The following GTPBP2 variants were observed in gnomAD, a reference collection of about 807,000 sequenced individuals.
GTPBP2 encodes the protein GTP-binding protein 2.
Under a neutral mutation model 63.0 loss-of-function variants are expected in GTPBP2, and 32 were observed. That is an observed-to-expected ratio of 0.51 (90% confidence interval 0.38 to 0.68). The LOEUF (loss-of-function observed/expected upper bound fraction) is 0.68. Among genes scored for constraint, GTPBP2 ranks in the 30% least tolerant of loss-of-function variants. GTPBP2 has a pLI of 0.00. For missense variants in GTPBP2, 492 were observed against 796.9 expected, an observed-to-expected ratio of 0.62 and a Z score of 4.61; for synonymous variants, 310 against 322.6, an observed-to-expected ratio of 0.96 and a Z score of 0.42.
intron 9 of GTPBP2, chr6:43,623,470 C>T (rs775883598): frequency 1.9e-6 from 1 of 521,764 alleles, no homozygotes; most frequent in East Asian, 3.2e-5. Context: ...CAGTTGAATA[C>T]ACTCTAGTTT....
At position 43,624,192 on chromosome 6, in the gene GTPBP2, G is replaced by A. The variant is rs979678320; in HGVS notation, c.1101-124C>T. 1.2e-5 allele frequency: 10 copies of A among 805,602 alleles called. No homozygotes were observed. Among genetic ancestry groups the A allele is most frequent in the Non-Finnish European group, 1.9e-5 (10 of 515,566 alleles). The allele number at this position is 805,602 out of a possible 1,614,324, so 49.9% of individuals were successfully genotyped here. On this transcript the variant is annotated intron_variant, in intron 7 of 11. Transcript: ENST00000307126. This position sits in a 1 kb window ranked among gnomAD's most constrained non-coding sequence, Gnocchi z 5.1. ...GGGCCCCTCTCTCCTGTCTGCAAAT[G>A]GCTCAGGAACTCTGGGCCTTCTTGT...
Position 43,625,906 on chromosome 6 carries a change from TCTCCTATTCCAGG to T in GTPBP2, c.399-55_399-43del, listed in dbSNP as rs760825009. 67 of 1,491,694 alleles carry T rather than the reference TCTCCTATTCCAGG, an allele frequency of 4.5e-5. No individual in the cohort carries two copies. The highest frequency in any genetic ancestry group is 8.4e-5 in the Admixed American group (5 of 59,868). The allele number at this position is 1,491,694 out of a possible 1,614,324, so 92.4% of individuals were successfully genotyped here. ...ACAGCTGCCATATCTCACCTGTCCT[TCTCCTATTCCAGG>T]CTCGCTCTGGACCTACAGACTTCCT... On this transcript the variant is annotated intron_variant, in intron 3 of 11. Transcript: ENST00000307126. This position sits in a 1 kb window ranked among gnomAD's most constrained non-coding sequence, Gnocchi z 5.1.
At position 43,621,296 on chromosome 6, in the gene GTPBP2, G is replaced by T. The variant is rs1270008817; in HGVS notation, c.*318C>A. 8 of 690,272 alleles carry T rather than the reference G, an allele frequency of 1.2e-5. No homozygotes were observed. Among genetic ancestry groups the T allele is most frequent in the Non-Finnish European group, 1.9e-5 (8 of 421,232 alleles). The allele number at this position is 690,272 out of a possible 1,614,324, so 42.8% of individuals were successfully genotyped here. A position where few individuals can be genotyped will look rare whatever the true frequency, so the allele number is the denominator to read the frequency against. On this transcript the variant is annotated 3_prime_UTR_variant, in exon 12 of 12. Transcript: ENST00000307126. Reference sequence around the variant, plus strand: ...CAGCAAAACATGCCCAGTCTTAGTAGTGGGGACGAAGAATTGATGAGTGGA... The same window carrying T: ...CAGCAAAACATGCCCAGTCTTAGTATTGGGGACGAAGAATTGATGAGTGGA...
At position 43,625,280 on chromosome 6, in the gene GTPBP2, ACT is replaced by A; in HGVS notation, c.705+81_705+82del. 1.5e-6 allele frequency: 2 copies of A among 1,338,580 alleles called. No homozygotes were observed. The highest frequency in any genetic ancestry group is 1.1e-6 in the Non-Finnish European group (1 of 934,578). The allele number at this position is 1,338,580 out of a possible 1,614,324, so 82.9% of individuals were successfully genotyped here. On this transcript the variant is annotated intron_variant, in intron 5 of 11. Transcript: ENST00000307126. The surrounding 1 kb of genome is among the most constrained non-coding windows in gnomAD (Gnocchi z 5.1). ...CTATACTATTTCAAAAAGTCTCCAC[ACT>A]CTACCCCCATCCTATGTCCTTCACT...
Position 43,624,870 on chromosome 6 carries a change from T to G in GTPBP2, c.880+18A>C. On this transcript the variant is annotated intron_variant, in intron 6 of 11. Transcript: ENST00000307126. The surrounding 1 kb of genome is among the most constrained non-coding windows in gnomAD (Gnocchi z 5.1). ...CAGCACCCCCCTTCAGCCCTGTCCCTGCCCTAATGCCTCGTACCAATCCCA... is the reference window on the plus strand; with the variant it reads ...CAGCACCCCCCTTCAGCCCTGTCCCGGCCCTAATGCCTCGTACCAATCCCA... 3 of 1,613,092 alleles carry G rather than the reference T, an allele frequency of 1.9e-6. No individual in the cohort carries two copies.
chr6:43,631,202 T>C (rs1423393903), upstream of GTPBP2, among the ~76,000 whole-genome samples: 1 of 152,214 alleles, frequency 6.6e-6, no homozygotes, highest in Non-Finnish European at 1.5e-5. Flanking sequence ...TCTTCAGTGG[T>C]TGAAAGCACA....
Position 43,629,230 on chromosome 6 carries a change from C to G in GTPBP2, c.-68G>C. On this transcript the variant is annotated 5_prime_UTR_variant, in exon 1 of 12. Coordinates refer to ENST00000307126, the MANE Select transcript of GTPBP2 (RefSeq NM_019096.5). ...GCCGCCGCCGTCGCCGCCGCCCTTA[C>G]TGCCACTGCCGTGTCCGGCCGGCCT... 9.1e-7 allele frequency: 1 copy of G among 1,102,916 alleles called. No individual in the cohort carries two copies. The highest frequency in any genetic ancestry group is 1.2e-6 in the Non-Finnish European group (1 of 853,566). The allele number at this position is 1,102,916 out of a possible 1,614,324, so 68.3% of individuals were successfully genotyped here.
upstream of GTPBP2, chr6:43,629,300 C>A: frequency 1.5e-6 from 1 of 645,716 alleles, no homozygotes. Flanking sequence ...CCCCCCACCT[C>A]CCTGGCCTCC....
Position 43,624,186 on chromosome 6 carries a change from G to T in GTPBP2, c.1101-118C>A. The T allele has an allele frequency of 1.2e-6, 1 of 846,146 alleles. No individual in the cohort carries two copies. The highest frequency in any genetic ancestry group is 1.8e-6 in the Non-Finnish European group (1 of 551,146). 52.4% of individuals were successfully genotyped at this position (846,146 alleles called of 1,614,324 possible). A position where few individuals can be genotyped will look rare whatever the true frequency, so the allele number is the denominator to read the frequency against. The stretch of plus-strand genomic sequence containing the variant: ...GGCTGGGGGCCCCTCTCTCCTGTCT[G>T]CAAATGGCTCAGGAACTCTGGGCCT... On this transcript the variant is annotated intron_variant, in intron 7 of 11. Coordinates refer to ENST00000307126, the MANE Select transcript of GTPBP2 (RefSeq NM_019096.5). The surrounding 1 kb of genome is among the most constrained non-coding windows in gnomAD (Gnocchi z 5.1).
Position 43,626,828 on chromosome 6 carries a change from C to CAAA in GTPBP2, c.213+91_213+93dup. On this transcript the variant is annotated intron_variant, in intron 2 of 11. Transcript: ENST00000307126. This position sits in a 1 kb window ranked among gnomAD's most constrained non-coding sequence, Gnocchi z 4.0. ...AGGCAACAAGAGCAAAACTTCATCTCAAAAAAAAAAAAGAAAGAAAGAAAA... is the reference window on the plus strand; with the variant it reads ...AGGCAACAAGAGCAAAACTTCATCTCAAAAAAAAAAAAAAAGAAAGAAAGAAAA... 1.2e-5 allele frequency: 10 copies of CAAA among 828,316 alleles called. No homozygotes were observed. Among genetic ancestry groups the CAAA allele is most frequent in the South Asian group, 1.9e-5 (1 of 51,404 alleles). 51.3% of individuals were successfully genotyped at this position (828,316 alleles called of 1,614,324 possible).
chr6:43,623,714 G>A lies in GTPBP2; in HGVS notation c.1295+23C>T, dbSNP rs2232216. On this transcript the variant is annotated intron_variant, in intron 9 of 11. Transcript: ENST00000307126. The stretch of plus-strand genomic sequence containing the variant: ...TATATAGGTGAGGGCTGAGTGGGGA[G>A]GGTAGCAAGCAAGACAATTTACCTG... The A allele has an allele frequency of 6.7e-3, 10,529 of 1,576,924 alleles. 623 individuals carry two copies. The African/African-American group carries it at 0.12, about 19-fold the overall frequency.
chr6:43,624,455 G>A lies in GTPBP2; in HGVS notation c.1100+55C>T. 7.7e-7 allele frequency: 1 copy of A among 1,300,570 alleles called. No homozygotes were observed. The highest frequency in any genetic ancestry group is 1.1e-6 in the Non-Finnish European group (1 of 905,018). 80.6% of individuals were successfully genotyped at this position (1,300,570 alleles called of 1,614,324 possible). A position where few individuals can be genotyped will look rare whatever the true frequency, so the allele number is the denominator to read the frequency against. The stretch of plus-strand genomic sequence containing the variant: ...GTAGGATATCATGCTTCTGGGCCCT[G>A]GGCTCTGTGGCAGCCTTCCTAGTGG... On this transcript the variant is annotated intron_variant, in intron 7 of 11. Transcript: ENST00000307126. This position sits in a 1 kb window ranked among gnomAD's most constrained non-coding sequence, Gnocchi z 5.1.
At chr6:43,629,520 T>A, upstream of GTPBP2, 1 of 618,200 alleles carries the variant, frequency 1.6e-6, no homozygotes, top group Non-Finnish European at 2.9e-6. Flanking sequence ...CCTCGCGCTA[T>A]GTTCTTTTTC....
At position 43,629,247 on chromosome 6, in the gene GTPBP2, G is replaced by C. The variant is rs1167657211; in HGVS notation, c.-85C>G. ...CGCCCTTACTGCCACTGCCGTGTCC[G>C]GCCGGCCTGAGCAGAGTGGGGTGGG... On this transcript the variant is annotated 5_prime_UTR_variant, in exon 1 of 12. Transcript: ENST00000307126. The C allele has an allele frequency of 1.1e-5, 11 of 1,019,516 alleles. No homozygotes were observed. Among genetic ancestry groups the C allele is most frequent in the South Asian group, 2.5e-5 (1 of 40,206 alleles). The allele number at this position is 1,019,516 out of a possible 1,614,324, so 63.2% of individuals were successfully genotyped here. A position where few individuals can be genotyped will look rare whatever the true frequency, so the allele number is the denominator to read the frequency against.
In GTPBP2 at chr6:43,622,201, C is replaced by A; in HGVS notation, c.1468-34G>T. The stretch of plus-strand genomic sequence containing the variant: ...GAACAGACCCCAGGCCCAGGAAGGG[C>A]AGCTCTAACATCAGACTCTCCCTCC... On this transcript the variant is annotated intron_variant, in intron 10 of 11. Coordinates refer to ENST00000307126, the MANE Select transcript of GTPBP2 (RefSeq NM_019096.5). This position sits in a 1 kb window ranked among gnomAD's most constrained non-coding sequence, Gnocchi z 5.4. 3 of 1,586,820 alleles carry A rather than the reference C, an allele frequency of 1.9e-6. No individual in the cohort carries two copies. Among genetic ancestry groups the A allele is most frequent in the African/African-American group, 2.7e-5 (2 of 74,570 alleles).
In GTPBP2 at chr6:43,629,230, C is replaced by T. The variant is rs548779542; in HGVS notation, c.-68G>A. ...GCCGCCGCCGTCGCCGCCGCCCTTACTGCCACTGCCGTGTCCGGCCGGCCT... is the reference window on the plus strand; with the variant it reads ...GCCGCCGCCGTCGCCGCCGCCCTTATTGCCACTGCCGTGTCCGGCCGGCCT... On this transcript the variant is annotated 5_prime_UTR_variant, in exon 1 of 12. Coordinates refer to ENST00000307126, the MANE Select transcript of GTPBP2 (RefSeq NM_019096.5). The T allele has an allele frequency of 1.8e-5, 20 of 1,102,912 alleles. No individual in the cohort carries two copies. The East Asian group carries it at 3.2e-4, about 18-fold the overall frequency. 68.3% of individuals were successfully genotyped at this position (1,102,912 alleles called of 1,614,324 possible). A position where few individuals can be genotyped will look rare whatever the true frequency, so the allele number is the denominator to read the frequency against.
upstream of GTPBP2, among the ~76,000 whole-genome samples, chr6:43,630,497 T>C (rs542163509): frequency 6.6e-6 from 1 of 152,202 alleles, no homozygotes; most frequent in Non-Finnish European, 1.5e-5. Flanking sequence ...TCACAGCACT[T>C]TGGGAGGCCA....
In GTPBP2 at chr6:43,625,594, T is replaced by C. The variant is rs1308771486; in HGVS notation, c.508-34A>G. The stretch of plus-strand genomic sequence containing the variant: ...GAATTGCCAGAGATAAGAACTCCAA[T>C]CTCTCACCCCTCTAACTGAAGACTG... On this transcript the variant is annotated intron_variant, in intron 4 of 11. Coordinates refer to ENST00000307126, the MANE Select transcript of GTPBP2 (RefSeq NM_019096.5). The surrounding 1 kb of genome is among the most constrained non-coding windows in gnomAD (Gnocchi z 5.1). The C allele has an allele frequency of 2.6e-6, 4 of 1,553,184 alleles. No homozygotes were observed. Among genetic ancestry groups the C allele is most frequent in the Non-Finnish European group, 3.6e-6 (4 of 1,124,750 alleles).
rs1187244625 is a variant in GTPBP2, at chr6:43,626,556, G to A, written c.214-146C>T. ...TCCCCCTCCAACAGAACGAGGTACA[G>A]AGCCCTTAACCTGAACCATATCCTT... On this transcript the variant is annotated intron_variant, in intron 2 of 11. Transcript: ENST00000307126. This position sits in a 1 kb window ranked among gnomAD's most constrained non-coding sequence, Gnocchi z 4.0. 2 of 645,714 alleles carry A rather than the reference G, an allele frequency of 3.1e-6. No homozygotes were observed. Among genetic ancestry groups the A allele is most frequent in the Non-Finnish European group, 5.4e-6 (2 of 371,804 alleles). The allele number at this position is 645,714 out of a possible 1,614,324, so 40.0% of individuals were successfully genotyped here.
Sources: allele counts gnomAD v4.1 joint callset (sites outside exome capture counted in the v4.1 genomes callset), GRCh38; gene constraint gnomAD v4.1.1; non-coding constraint Gnocchi (gnomAD v3.1); transcripts MANE v1.5; gene names NCBI Gene and HGNC (gene_info 2026-07-23, HGNC 2026-07-21).